DST: variants seen among roughly 807,000 people sequenced by gnomAD.
DST encodes dystonin, also known as bullous pemphigoid antigen.
DST carries 253 observed loss-of-function variants against 875.2 expected under a neutral mutation model. That is an observed-to-expected ratio of 0.29 (90% CI 0.26 to 0.32). DST has a LOEUF of 0.32. Among genes scored for constraint, DST ranks in the 10% least tolerant of loss-of-function variants. The pLI is 1.00. For missense variants in DST, 8,287 were observed against 9,111.6 expected, an observed-to-expected ratio of 0.91 and a Z score of 3.68; for synonymous variants, 3,124 against 3,197.1, an observed-to-expected ratio of 0.98 and a Z score of 0.77.
At chr6:56,947,111 C>A (rs1277822074) in intron 2 of DST, among the ~76,000 whole-genome samples, 3 of 152,066 alleles carry the variant, frequency 2.0e-5, no homozygotes, top group Admixed American at 2.0e-4. Context: ...ACCAGAAAGG[C>A]CCCCAACTGG....
intron 50 of DST, among the ~76,000 whole-genome samples, chr6:56,576,258 T>C (rs967999039): frequency 1.3e-5 from 2 of 152,186 alleles, no homozygotes; most frequent in Non-Finnish European, 2.9e-5. Context: ...TGGCTGTTCA[T>C]CTGTATCCTT....
intron 4 of DST, among the ~76,000 whole-genome samples, chr6:56,822,921 G>A (rs1388206055): frequency 6.6e-6 from 1 of 151,746 alleles, no homozygotes; most frequent in Non-Finnish European, 1.5e-5. Context: ...TCCGAATCCC[G>A]TGTTCAAGGA....
chr6:56,527,368 T>C lies in DST; in HGVS notation c.17922+125A>G, dbSNP rs2096821978. ...TGATCTGCTGCCAATTTCTATTGGG[T>C]CTCCACCCACCAAGGCATCCTTCAG... is the stretch of plus-strand genomic sequence containing the variant. On this transcript the variant is annotated intron_variant, in intron 68 of 103. Coordinates refer to ENST00000680361, the MANE Select transcript of DST (RefSeq NM_001374736.1). 2.4e-6 allele frequency: 3 copies of C among 1,232,166 alleles called. No individual in the cohort carries two copies. In the South Asian group the frequency reaches 4.9e-5, roughly 20 times the overall value. The allele number at this position is 1,232,166 out of a possible 1,614,324, so 76.3% of individuals were successfully genotyped here.
In DST at chr6:56,608,518, G is replaced by T; in HGVS notation, c.6110C>A (p.Ser2037Ter). ...TACAGTTAAACGCTTGGCAGGGTTT[G>T]ACTGGATGATTCCACCAGTTTGAAC... is the stretch of plus-strand genomic sequence containing the variant. ...YQVQTGGIIQ[S>*]NPAKRLTVDE... The change falls in exon 40 of 104, where the codon TCA becomes TAA. Residue 2037 changes from serine to a stop codon, truncating the protein, a stop_gained. Transcript: ENST00000680361. LOFTEE classifies it high-confidence loss of function. 6.2e-7 allele frequency: 1 copy of T among 1,613,510 alleles called. No individual in the cohort carries two copies. Among genetic ancestry groups the T allele is most frequent in the South Asian group, 1.1e-5 (1 of 91,030 alleles).
chr6:56,656,483 G>A (rs2099009369), intron 10 of DST, among the ~76,000 whole-genome samples: 1 of 152,138 alleles, frequency 6.6e-6, no homozygotes, highest in Non-Finnish European at 1.5e-5. Flanking sequence ...CTACTATGTG[G>A]CAGGCAATGC....
At chr6:56,474,268 G>A (rs938860514) in intron 92 of DST, 2 of 294,180 alleles carry the variant, frequency 6.8e-6, no homozygotes, top group Non-Finnish European at 1.3e-5. Context: ...TGGATCACCT[G>A]AGGTCAGGAG....
chr6:56,634,699 T>C lies in DST; in HGVS notation c.3340-83A>G, dbSNP rs1388459286. Reference sequence around the variant, plus strand: ...ACTCAATCCTGGGATTTTTTTTGTTTTATGAGGCGGGAAATCTTGATCACT... The same window carrying C: ...ACTCAATCCTGGGATTTTTTTTGTTCTATGAGGCGGGAAATCTTGATCACT... On this transcript the variant is annotated intron_variant, in intron 25 of 103. Coordinates refer to ENST00000680361, the MANE Select transcript of DST (RefSeq NM_001374736.1). 3 of 1,606,668 alleles carry C rather than the reference T, an allele frequency of 1.9e-6. No individual in the cohort carries two copies. In the East Asian group the frequency reaches 6.7e-5, roughly 36 times the overall value.
intron 36 of DST, among the ~76,000 whole-genome samples, chr6:56,622,934 C>G (rs2098703627): frequency 6.6e-6 from 1 of 152,146 alleles, no homozygotes; most frequent in African/African-American, 2.4e-5. Context: ...CTGCTTTAGA[C>G]CAAGGTTTTT....
At chr6:56,693,128 C>A (rs890593584) in intron 9 of DST, 2 of 1,287,884 alleles carry the variant, frequency 1.6e-6, no homozygotes, top group Non-Finnish European at 2.0e-6. Context: ...TCAGCTCTTA[C>A]ACATCCACAG....
chr6:56,518,334 G>A (rs527882828), intron 69 of DST, among the ~76,000 whole-genome samples: 189 of 152,188 alleles, frequency 1.2e-3, no homozygotes, highest in African/African-American at 4.2e-3. Flanking sequence ...ATTTAACACT[G>A]CTGGTATTGT....
chr6:56,779,614 T>C lies in DST; in HGVS notation c.626-44325A>G, dbSNP rs888749366. Among the ~76,000 whole-genome samples the C allele has an allele frequency of 3.9e-5, 6 of 151,970 alleles. 1 individual carries two copies. The highest frequency in any genetic ancestry group is 1.5e-4 in the African/African-American group (6 of 41,268). ...AGCTTTCTACATATAGCTAGCCAGT[T>C]TTCCCAGCACCATTTATTAAATAGG... On this transcript the variant is annotated intron_variant, in intron 4 of 103. Transcript: ENST00000680361.
intron 2 of DST, among the ~76,000 whole-genome samples, chr6:56,934,278 T>A (rs1042839585): frequency 4.0e-5 from 6 of 151,898 alleles, no homozygotes; most frequent in Admixed American, 3.9e-4. Flanking sequence ...CCTCAGCCCC[T>A]ACCAAAGGGC....
chr6:56,891,644 G>T (rs997862558), intron 3 of DST, among the ~76,000 whole-genome samples: 4 of 151,570 alleles, frequency 2.6e-5, no homozygotes, highest in Non-Finnish European at 4.4e-5. Flanking sequence ...AGGCTGAGAT[G>T]GGAAGGTTGA....
chr6:56,891,299 A>C (rs1787283807), intron 3 of DST, among the ~76,000 whole-genome samples: 1 of 152,172 alleles, frequency 6.6e-6, no homozygotes, highest in Non-Finnish European at 1.5e-5. Context: ...GTGGTGGCTC[A>C]TGCCTATAAT....
At chr6:56,589,400 A>C (rs2098227936) in intron 49 of DST, among the ~76,000 whole-genome samples, 1 of 152,236 alleles carries the variant, frequency 6.6e-6, no homozygotes, top group Admixed American at 6.5e-5. Flanking sequence ...TTGGAAAAAA[A>C]ACTGTTAATT....
At position 56,529,655 on chromosome 6, in the gene DST, G is replaced by A; in HGVS notation, c.17388C>T (p.Asp5796=). 6.2e-7 allele frequency: 1 copy of A among 1,613,766 alleles called. No individual in the cohort carries two copies. Residue 5796 remains aspartate, a synonymous_variant, in exon 66 of 104, where the codon GAC becomes GAT. Transcript: ENST00000680361. ...TCTCAATGTACCATACTTGAGAGAA[G>A]TCTAATTTACTCTGCACCATATCTT... ...EDKDMVQSKL[D]FSQVWYIEIQ... is the part of the protein sequence containing the mutation.
intron 36 of DST, chr6:56,617,049 C>G: frequency 6.2e-7 from 1 of 1,614,056 alleles, no homozygotes; most frequent in Non-Finnish European, 8.5e-7. Context: ...TAAAGCCCTG[C>G]AATTGAGGTG....
At chr6:56,717,017 T>A (rs2099397317) in intron 5 of DST, among the ~76,000 whole-genome samples, 1 of 151,562 alleles carries the variant, frequency 6.6e-6, no homozygotes, top group African/African-American at 2.4e-5. Flanking sequence ...CCATCTCTAC[T>A]AAAAAAATAC....
intron 50 of DST, among the ~76,000 whole-genome samples, chr6:56,576,726 C>T (rs904550097): frequency 1.3e-5 from 2 of 151,996 alleles, no homozygotes; most frequent in African/African-American, 2.4e-5. Flanking sequence ...ATGGGATTAG[C>T]GCCCTTAGAA....
Sources: allele counts gnomAD v4.1 joint callset (sites outside exome capture counted in the v4.1 genomes callset), GRCh38; gene constraint gnomAD v4.1.1; transcripts MANE v1.5; gene names NCBI Gene and HGNC (gene_info 2026-07-23, HGNC 2026-07-21).